The following CNOT6L variants were observed in gnomAD, a reference collection of about 807,000 sequenced individuals.
CNOT6L encodes the protein CCR4-NOT transcription complex subunit 6-like.
A neutral mutation model predicts 64.0 loss-of-function variants in CNOT6L; 7 were observed. The ratio of observed to expected loss-of-function variants is 0.11; its 90% CI spans 0.06 to 0.21. CNOT6L has a LOEUF of 0.21. CNOT6L is among the 10% of genes least tolerant of loss of function. The probability of loss-of-function intolerance (pLI) is 1.00; values close to 1 mark genes in which losing one functional copy is unlikely to be tolerated. For missense variants in CNOT6L, 245 were observed against 669.0 expected, an observed-to-expected ratio of 0.37 and a Z score of 6.99; for synonymous variants, 193 against 243.4, an observed-to-expected ratio of 0.79 and a Z score of 1.93.
intron 4 of CNOT6L, among the ~76,000 whole-genome samples, chr4:77,764,245 A>G (rs745647154): frequency 1.3e-5 from 2 of 152,218 alleles, no homozygotes; most frequent in African/African-American, 2.4e-5. Flanking sequence ...CTGGAAACGG[A>G]CTATGAATAT....
At chr4:77,818,875 G>A in intron 1 of CNOT6L, 1 of 304,004 alleles carries the variant, frequency 3.3e-6, no homozygotes, top group South Asian at 3.6e-5. Context: ...CCCGGGATCA[G>A]CGGCGCGGCA....
intron 1 of CNOT6L, among the ~76,000 whole-genome samples, chr4:77,789,302 G>A (rs1045157929): frequency 2.2e-4 from 33 of 150,478 alleles, no homozygotes; most frequent in African/African-American, 6.3e-4. Context: ...CTCCCCCCAC[G>A]CTCCCCCCAA....
intron 1 of CNOT6L, among the ~76,000 whole-genome samples, chr4:77,811,852 C>G (rs1057376812): frequency 5.6e-5 from 8 of 143,534 alleles, no homozygotes; most frequent in African/African-American, 1.8e-4. Flanking sequence ...TATGGGCTAG[C>G]CTTTCTCCGC....
rs1351588468 is a variant in CNOT6L at position 77,719,765 on chromosome 4, G to A, written c.*666C>T. 1 of 152,508 alleles carries A rather than the reference G, an allele frequency of 6.6e-6. No individual in the cohort carries two copies. The highest frequency in any genetic ancestry group is 1.5e-5 in the Non-Finnish European group (1 of 68,022). 9.4% of individuals were successfully genotyped at this position (152,508 alleles called of 1,614,324 possible). ...ATATAAAGGACAAAAAAACCAAAGT[G>A]ATTCCTCAAAAAAACTCCAAACCAG... On this transcript the variant is annotated 3_prime_UTR_variant, in exon 12 of 12. Coordinates refer to ENST00000504123, the MANE Select transcript of CNOT6L (RefSeq NM_144571.3).
At position 77,719,818 on chromosome 4, in the gene CNOT6L, G is replaced by A. The variant is rs1299944600; in HGVS notation, c.*613C>T. 1.3e-5 allele frequency: 2 copies of A among 152,614 alleles called. No homozygotes were observed. Among genetic ancestry groups the A allele is most frequent in the African/African-American group, 2.4e-5 (1 of 41,448 alleles). 9.5% of individuals were successfully genotyped at this position (152,614 alleles called of 1,614,324 possible). A position where few individuals can be genotyped will look rare whatever the true frequency, so the allele number is the denominator to read the frequency against. On this transcript the variant is annotated 3_prime_UTR_variant, in exon 12 of 12. Transcript: ENST00000504123. ...TTTGGCCAACAAATTGTCATGTGGT[G>A]TTACATGCTGGATTATAAAAGTATA...
At position 77,715,645 on chromosome 4, in the gene CNOT6L, A is replaced by G. The variant is rs1349461037; in HGVS notation, c.*4786T>C. 3 of 152,526 alleles carry G rather than the reference A, an allele frequency of 2.0e-5. No individual in the cohort carries two copies. Among genetic ancestry groups the G allele is most frequent in the African/African-American group, 7.2e-5 (3 of 41,434 alleles). 9.4% of individuals were successfully genotyped at this position (152,526 alleles called of 1,614,324 possible). ...TTACATAAAAAAGGTATTTGGTTAA[A>G]ACAAGAAATATGCATGCTCTTCCTT... On this transcript the variant is annotated 3_prime_UTR_variant, in exon 12 of 12. Transcript: ENST00000504123.
rs908743843 is a variant in CNOT6L at position 77,789,904 on chromosome 4, T to C, written c.6-13512A>G. 7.1e-5 allele frequency among the ~76,000 whole-genome samples: 10 copies of C among 139,886 alleles called. No homozygotes were observed. In the Admixed American group the frequency reaches 7.8e-4, roughly 11 times the overall value. The allele number at this position is 139,886 out of a possible 152,430, so 91.8% of individuals were successfully genotyped here. On this transcript the variant is annotated intron_variant, in intron 1 of 11. Coordinates refer to ENST00000504123, the MANE Select transcript of CNOT6L (RefSeq NM_144571.3). ...AAGTGGATGCTGCAGTGACCGGTGA[T>C]TGTGCCACTGCAGCCTAAGCGACAA...
intron 5 of CNOT6L, among the ~76,000 whole-genome samples, chr4:77,752,347 C>T (rs762381848): frequency 6.6e-6 from 1 of 152,008 alleles, no homozygotes; most frequent in Non-Finnish European, 1.5e-5. Context: ...ATGAATAAAA[C>T]CAAAGTAATC....
intron 10 of CNOT6L, 54 bp from the exon 11 acceptor site, chr4:77,726,423 C>A: frequency 7.1e-7 from 1 of 1,402,116 alleles, no homozygotes. Context: ...TTACACAAGG[C>A]TTCACAGCCA....
rs568796725 is a variant in CNOT6L, at chr4:77,785,924, G to T, written c.6-9532C>A. Among the ~76,000 whole-genome samples, 6 of 152,250 alleles carry T rather than the reference G, an allele frequency of 3.9e-5. No individual in the cohort carries two copies. The South Asian group carries it at 1.0e-3, about 26-fold the overall frequency. Reference sequence around the variant, plus strand: ...GAATCAGTATTTCCCTCAAGGAAGGGGGTTGTAGGTGTGGTAGGGACAGAC... The same window carrying T: ...GAATCAGTATTTCCCTCAAGGAAGGTGGTTGTAGGTGTGGTAGGGACAGAC... On this transcript the variant is annotated intron_variant, in intron 1 of 11. Transcript: ENST00000504123.
chr4:77,789,534 G>C (rs1032015893), intron 1 of CNOT6L, among the ~76,000 whole-genome samples: 3 of 150,352 alleles, frequency 2.0e-5, no homozygotes, highest in Admixed American at 2.0e-4. Context: ...ATTAGCTGGG[G>C]TGGTGGTGCA....
upstream of CNOT6L, chr4:77,819,701 A>T (rs1438970842): frequency 7.0e-6 from 1 of 143,184 alleles, no homozygotes; most frequent in Admixed American, 6.9e-5. Context: ...GGCGGGGCTG[A>T]GGGCAGCAAA....
intron 1 of CNOT6L, among the ~76,000 whole-genome samples, chr4:77,798,704 G>A (rs1731156627): frequency 6.6e-6 from 1 of 152,108 alleles, no homozygotes; most frequent in Admixed American, 6.6e-5. Context: ...AGGTAAACAG[G>A]CCAGGCACGG....
chr4:77,756,992 C>T, intron 4 of CNOT6L, 41 bp from the exon 5 acceptor site: 1 of 1,043,100 alleles, frequency 9.6e-7, no homozygotes. Flanking sequence ...AAACTTATAA[C>T]TGCAAGGCAA....
intron 1 of CNOT6L, among the ~76,000 whole-genome samples, chr4:77,805,655 T>C (rs1205895692): frequency 2.6e-5 from 4 of 152,218 alleles, no homozygotes; most frequent in Non-Finnish European, 5.9e-5. Context: ...ACAGTATTAG[T>C]AGAGAAGCAT....
rs1430508606 is a variant in CNOT6L at position 77,720,561 on chromosome 4, A to G, written c.1538T>C (p.Val513Ala). ...VLGPLDPQWLVENNITGCPHP... is the reference protein window; with the variant it reads ...VLGPLDPQWLAENNITGCPHP... ...TGGACACCCAGTGATGTTGTTCTCA[A>G]CCAGCCATTGAGGATCTAAAGGCCC... Residue 513 changes from valine to alanine, a missense_variant, in exon 12 of 12, where the codon GTT becomes GCT. Val to Ala is a moderately conservative substitution (Grantham distance 64). Around this residue, in one of 10 missense-constraint regions of CNOT6L, gnomAD observed 20 missense variants for 26.4 expected, o/e 0.76. Coordinates refer to ENST00000504123, the MANE Select transcript of CNOT6L (RefSeq NM_144571.3). 1.2e-6 allele frequency: 2 copies of G among 1,613,446 alleles called. No homozygotes were observed. The highest frequency in any genetic ancestry group is 3.3e-5 in the Admixed American group (2 of 59,994).
At chr4:77,816,616 C>A (rs895204178) in intron 1 of CNOT6L, among the ~76,000 whole-genome samples, 6 of 152,066 alleles carry the variant, frequency 3.9e-5, no homozygotes, top group Non-Finnish European at 8.8e-5. Flanking sequence ...TAAAAATATG[C>A]ATAAAAGCTA....
chr4:77,717,375 TCAAA>T lies in CNOT6L; in HGVS notation c.*3052_*3055del, dbSNP rs1344459599. 4 of 152,640 alleles carry T rather than the reference TCAAA, an allele frequency of 2.6e-5. No individual in the cohort carries two copies. The highest frequency in any genetic ancestry group is 9.6e-5 in the African/African-American group (4 of 41,546). The allele number at this position is 152,640 out of a possible 1,614,324, so 9.5% of individuals were successfully genotyped here. A position where few individuals can be genotyped will look rare whatever the true frequency, so the allele number is the denominator to read the frequency against. On this transcript the variant is annotated 3_prime_UTR_variant, in exon 12 of 12. Coordinates refer to ENST00000504123, the MANE Select transcript of CNOT6L (RefSeq NM_144571.3). The stretch of plus-strand genomic sequence containing the variant: ...GGCAAACAGTACAGTTTTCTCTTCC[TCAAA>T]CAATACTGTTTTAGTAAATTTTAAG...
chr4:77,816,500 G>C (rs989964984), intron 1 of CNOT6L, among the ~76,000 whole-genome samples: 5 of 151,982 alleles, frequency 3.3e-5, no homozygotes, highest in Non-Finnish European at 5.9e-5. Flanking sequence ...ATCACAATTT[G>C]CATTCTAATA....
Sources: gnomAD v4.1 joint callset for allele counts (sites outside exome capture counted in the v4.1 genomes callset) on GRCh38, gnomAD v4.1.1 for gene constraint, gnomAD v4.1.1 regional missense constraint, MANE v1.5 for transcripts, NCBI Gene and HGNC (gene_info 2026-07-23, HGNC 2026-07-21) for gene names.